Variants in BIRC6 observed in about 807,000 individuals in gnomAD.
BIRC6 encodes dual E2 ubiquitin-conjugating enzyme/E3 ubiquitin-protein ligase BIRC6.
A neutral mutation model predicts 503.3 loss-of-function variants in BIRC6; 98 were observed. The observed-to-expected ratio is 0.19, with a 90% confidence interval of 0.17 to 0.23. The LOEUF (loss-of-function observed/expected upper bound fraction) is 0.23. Ranked by LOEUF, BIRC6 falls within the 10% of genes least tolerant of loss-of-function variation. The probability of loss-of-function intolerance (pLI) is 1.00; values close to 1 mark genes in which losing one functional copy is unlikely to be tolerated. For missense variants in BIRC6, 5,360 were observed against 5,806.0 expected (o/e 0.92, Z 2.50); for synonymous variants, 2,240 against 2,078.7 (o/e 1.08, Z -2.11).
intron 66 of BIRC6, among the ~76,000 whole-genome samples, chr2:32,579,057 T>A (rs2060489992): frequency 7.6e-6 from 1 of 131,826 alleles, no homozygotes; most frequent in Non-Finnish European, 1.6e-5. Context: ...AATATATATA[T>A]GTATACCTAA....
chr2:32,533,185 A>G (rs533234498), intron 61 of BIRC6, among the ~76,000 whole-genome samples: 53 of 152,344 alleles, frequency 3.5e-4, no homozygotes, highest in Non-Finnish European at 5.9e-4. Flanking sequence ...GGAAATGAGG[A>G]ACATGTTACC....
At chr2:32,560,429 G>C (rs2059090167) in intron 65 of BIRC6, among the ~76,000 whole-genome samples, 1 of 152,056 alleles carries the variant, frequency 6.6e-6, no homozygotes, top group Non-Finnish European at 1.5e-5. Context: ...CATAATGTAA[G>C]ATTCCCAGTT....
chr2:32,597,890 G>A lies in BIRC6; in HGVS notation c.13752G>A (p.Thr4584=), dbSNP rs2710625. The A allele has an allele frequency of 0.41, 666,082 of 1,612,982 alleles. 139,157 individuals carry two copies. The highest frequency in any genetic ancestry group is 0.43 in the Non-Finnish European group (510,892 of 1,179,366). ...RARRLAQEAV[T]LSTSLPLSSS... ...GCCGCCTTGCCCAGGAAGCTGTGAC[G>A]CTTTCAACCTCACTGCCTCTGTCTT... Residue 4584 remains threonine (T), a synonymous_variant, in exon 69 of 74, where the codon ACG becomes ACA. Coordinates refer to ENST00000421745, the MANE Select transcript of BIRC6 (RefSeq NM_016252.4).
chr2:32,396,140 A>G (rs2039852163), intron 6 of BIRC6, among the ~76,000 whole-genome samples: 1 of 152,202 alleles, frequency 6.6e-6, no homozygotes, highest in African/African-American at 2.4e-5. Context: ...AAGATGGTAT[A>G]CTAGGTACCA....
chr2:32,502,731 C>T, intron 47 of BIRC6, 64 bp from the exon 48 acceptor site: 5 of 1,203,836 alleles, frequency 4.2e-6, no homozygotes, highest in Non-Finnish European at 5.9e-6. Context: ...ATATTACATG[C>T]ATTGAGTTTA....
rs548769155 is a variant in BIRC6 at position 32,618,601 on chromosome 2, G to A, written c.*697G>A. 1 of 152,542 alleles carries A rather than the reference G, an allele frequency of 6.6e-6. No homozygotes were observed. The highest frequency in any genetic ancestry group is 2.4e-5 in the African/African-American group (1 of 41,506). The allele number at this position is 152,542 out of a possible 1,614,324, so 9.4% of individuals were successfully genotyped here. A position where few individuals can be genotyped will look rare whatever the true frequency, so the allele number is the denominator to read the frequency against. ...TGATTTTATTCTATGCCAACATTTG[G>A]GCCTCTGAATGTATCTGTTATTTGA... On this transcript the variant is annotated 3_prime_UTR_variant, in exon 74 of 74. Coordinates refer to ENST00000421745, the MANE Select transcript of BIRC6 (RefSeq NM_016252.4).
intron 22 of BIRC6, among the ~76,000 whole-genome samples, chr2:32,450,751 T>C (rs932365663): frequency 2.0e-5 from 3 of 152,170 alleles, no homozygotes; most frequent in African/African-American, 7.2e-5. Flanking sequence ...AAGTCCCTTA[T>C]GAAAAATGAT....
At chr2:32,598,077 C>A in intron 69 of BIRC6, 109 bp downstream of exon 69, 1 of 1,102,500 alleles carries the variant, frequency 9.1e-7, no homozygotes, top group South Asian at 1.7e-5. Flanking sequence ...ATACAAAACA[C>A]TAGAAATTTT....
Position 32,508,275 on chromosome 2 carries a change from CCTTTTTTTTTT to C in BIRC6, c.9980+17_9980+27del. ...CCAAAACAAGGTATGTTTTGTTTGT[CCTTTTTTTTTT>C]TTTTTTTTTTTTTTTTTGGCATGGT... On this transcript the variant is annotated intron_variant, in intron 51 of 73. Transcript: ENST00000421745. 3.5e-6 allele frequency: 2 copies of C among 577,790 alleles called. No individual in the cohort carries two copies. Among genetic ancestry groups the C allele is most frequent in the South Asian group, 5.5e-5 (1 of 18,148 alleles). 35.8% of individuals were successfully genotyped at this position (577,790 alleles called of 1,614,324 possible).
At chr2:32,358,182 C>G (rs2033475326) in intron 1 of BIRC6, among the ~76,000 whole-genome samples, 1 of 152,218 alleles carries the variant, frequency 6.6e-6, no homozygotes, top group African/African-American at 2.4e-5. Flanking sequence ...CTTCCAACTT[C>G]TACGCCCCAG....
intron 39 of BIRC6, among the ~76,000 whole-genome samples, chr2:32,484,708 T>G (rs1034998093): frequency 2.6e-5 from 4 of 152,182 alleles, no homozygotes; most frequent in African/African-American, 9.7e-5. Flanking sequence ...AAATTTTTCT[T>G]TTTTATTTGT....
At chr2:32,555,468 G>A (rs536627848) in intron 65 of BIRC6, among the ~76,000 whole-genome samples, 5 of 151,728 alleles carry the variant, frequency 3.3e-5, no homozygotes, top group African/African-American at 1.2e-4. Flanking sequence ...GTGAAACCCC[G>A]TCTCTACTAA....
At chr2:32,576,942 G>T (rs2060307796) in intron 66 of BIRC6, among the ~76,000 whole-genome samples, 1 of 152,090 alleles carries the variant, frequency 6.6e-6, no homozygotes, top group Non-Finnish European at 1.5e-5. Flanking sequence ...AAATGTAAAG[G>T]TATATTTTCT....
At chr2:32,461,073 C>CTCTTCTCTTCTGT (rs1558790099) in intron 23 of BIRC6, among the ~76,000 whole-genome samples, 5 of 4,474 alleles carry the variant, frequency 1.1e-3, no homozygotes, top group African/African-American at 1.8e-3. Flanking sequence ...TTCTGTTCTC[C>CTCTTCTCTTCTGT]TCTCCTCTCC....
At chr2:32,371,829 A>G (rs2036007847) in intron 1 of BIRC6, among the ~76,000 whole-genome samples, 1 of 152,082 alleles carries the variant, frequency 6.6e-6, no homozygotes, top group South Asian at 2.1e-4. Flanking sequence ...GTTTTGAGAC[A>G]GAGTCTCACT....
chr2:32,449,220 T>C (rs951036416), intron 22 of BIRC6: 12 of 214,604 alleles, frequency 5.6e-5, no homozygotes, highest in Non-Finnish European at 1.0e-4. Context: ...CTATTTAAAA[T>C]GTATTTGTTG....
At chr2:32,459,211 C>T (rs1231931602) in intron 23 of BIRC6, among the ~76,000 whole-genome samples, 1 of 152,154 alleles carries the variant, frequency 6.6e-6, no homozygotes, top group African/African-American at 2.4e-5. Flanking sequence ...CCCCCCAAAC[C>T]CTTCCAGTCA....
intron 3 of BIRC6, among the ~76,000 whole-genome samples, chr2:32,383,183 A>G (rs1030734620): frequency 6.6e-6 from 1 of 151,364 alleles, no homozygotes; most frequent in African/African-American, 2.4e-5. Flanking sequence ...AGTAGCTGCG[A>G]TTACAGGCGC....
chr2:32,423,995 G>A (rs915966631), intron 10 of BIRC6, among the ~76,000 whole-genome samples: 13 of 152,122 alleles, frequency 8.5e-5, no homozygotes, highest in African/African-American at 3.1e-4. Context: ...GTTCAAGAAT[G>A]GTAATGCTAG....
Sources: gnomAD v4.1 joint callset for allele counts (sites outside exome capture counted in the v4.1 genomes callset) on GRCh38, gnomAD v4.1.1 for gene constraint, MANE v1.5 for transcripts, NCBI Gene and HGNC (gene_info 2026-07-23, HGNC 2026-07-21) for gene names.